The following CATSPERB variants were observed in gnomAD, a reference collection of about 807,000 sequenced individuals.
CATSPERB encodes the protein cation channel sperm-associated auxiliary subunit beta.
CATSPERB carries 93 observed loss-of-function variants against 128.3 expected under a neutral mutation model. The ratio of observed to expected loss-of-function variants is 0.72; its 90% CI spans 0.61 to 0.86. The LOEUF is 0.86. Ranked by LOEUF, CATSPERB falls within the 40% of genes least tolerant of loss-of-function variation. The probability of loss-of-function intolerance (pLI) is 0.00; values close to 1 mark genes in which losing one functional copy is unlikely to be tolerated. For synonymous variants in CATSPERB, 381 were observed against 448.8 expected (o/e 0.85, Z 1.91); for missense variants, 1,153 against 1,329.5 (o/e 0.87, Z 2.06).
At chr14:91,719,139 A>G (rs1004145080) in intron 5 of CATSPERB, among the ~76,000 whole-genome samples, 7 of 152,208 alleles carry the variant, frequency 4.6e-5, no homozygotes, top group African/African-American at 1.7e-4. Flanking sequence ...ACAATTTCCA[A>G]GTTCTAAGAA....
intron 7 of CATSPERB, among the ~76,000 whole-genome samples, chr14:91,696,767 G>C (rs1392231189): frequency 6.6e-6 from 1 of 152,168 alleles, no homozygotes; most frequent in Non-Finnish European, 1.5e-5. Context: ...GTAAGAGCAA[G>C]GTTGTTCAGA....
intron 20 of CATSPERB, among the ~76,000 whole-genome samples, chr14:91,616,805 G>A (rs1224861483): frequency 2.3e-5 from 3 of 128,032 alleles, no homozygotes; most frequent in East Asian, 2.6e-4. Flanking sequence ...GCAATGGCAC[G>A]ATCTCGGTTC....
At chr14:91,697,457 T>C (rs1472313782) in intron 7 of CATSPERB, among the ~76,000 whole-genome samples, 1 of 152,178 alleles carries the variant, frequency 6.6e-6, no homozygotes, top group Non-Finnish European at 1.5e-5. Flanking sequence ...GAGTGTACGA[T>C]GCAGATACTA....
chr14:91,636,471 T>A lies in CATSPERB; in HGVS notation c.1696A>T (p.Ser566Cys). The change falls in exon 17 of 27, where the codon AGC becomes TGC. Residue 566 changes from serine to cysteine, a missense_variant. Physicochemically the swap from Ser to Cys is moderately radical, Grantham distance 112. Coordinates refer to ENST00000256343, the MANE Select transcript of CATSPERB (RefSeq NM_024764.4). ...PENEPQETIYSKKFGNIHYGK... is the reference protein window; with the variant it reads ...PENEPQETIYCKKFGNIHYGK... ...TAGTGTATATTGCCGAACTTCTTGC[T>A]GTAGATCGTTTCCTGGGGTTCGTTC... 1 of 1,614,182 alleles carries A rather than the reference T, an allele frequency of 6.2e-7. No individual in the cohort carries two copies. The highest frequency in any genetic ancestry group is 8.5e-7 in the Non-Finnish European group (1 of 1,180,026).
At chr14:91,630,273 T>C (rs953203525) in intron 17 of CATSPERB, among the ~76,000 whole-genome samples, 10 of 152,204 alleles carry the variant, frequency 6.6e-5, no homozygotes, top group Admixed American at 6.5e-4. Flanking sequence ...GGCCTTCTTC[T>C]TAGCCCAGGC....
chr14:91,631,443 C>G (rs1894275248), intron 17 of CATSPERB, among the ~76,000 whole-genome samples: 1 of 152,132 alleles, frequency 6.6e-6, no homozygotes, highest in Non-Finnish European at 1.5e-5. Flanking sequence ...GCGGGTGGAT[C>G]ACCTGAGGTC....
intron 15 of CATSPERB, among the ~76,000 whole-genome samples, chr14:91,651,372 A>G (rs1894701456): frequency 6.6e-6 from 1 of 152,158 alleles, no homozygotes. Flanking sequence ...CTCTAAGCAA[A>G]GAGACTGTAA....
intron 22 of CATSPERB, among the ~76,000 whole-genome samples, chr14:91,599,840 T>C (rs1195687564): frequency 1.3e-5 from 2 of 152,194 alleles, no homozygotes; most frequent in African/African-American, 4.8e-5. Context: ...CTGATTAGCC[T>C]TTCCAAAGGA....
intron 18 of CATSPERB, among the ~76,000 whole-genome samples, chr14:91,622,175 G>A (rs1894061169): frequency 6.6e-6 from 1 of 150,796 alleles, no homozygotes; most frequent in South Asian, 2.1e-4. Flanking sequence ...ATTTTTGGCA[G>A]TAAAAAACCA....
At chr14:91,604,290 C>G in intron 22 of CATSPERB, 2 of 697,946 alleles carry the variant, frequency 2.9e-6, no homozygotes, top group South Asian at 3.2e-5. Flanking sequence ...TAATGGAAAC[C>G]AGAACATGTG....
chr14:91,617,282 C>T (rs1378874622), intron 20 of CATSPERB, among the ~76,000 whole-genome samples: 1 of 152,122 alleles, frequency 6.6e-6, no homozygotes, highest in East Asian at 1.9e-4. Flanking sequence ...TAATTTCATA[C>T]AGCTCAACTT....
At chr14:91,636,141 T>C (rs1052365207) in intron 17 of CATSPERB, 2 of 274,514 alleles carry the variant, frequency 7.3e-6, no homozygotes, top group African/African-American at 2.2e-5. Context: ...GGTGGGTGAA[T>C]CCCTTGAGCT....
chr14:91,581,166 A>C, intron 26 of CATSPERB, 59 bp from the exon 27 acceptor site: 2 of 1,342,042 alleles, frequency 1.5e-6, no homozygotes, highest in Non-Finnish European at 2.1e-6. Flanking sequence ...AAAACACTGA[A>C]AATTTAATGT....
intron 22 of CATSPERB, among the ~76,000 whole-genome samples, chr14:91,594,437 C>T (rs936423802): frequency 5.9e-5 from 9 of 151,604 alleles, no homozygotes; most frequent in Admixed American, 3.9e-4. Context: ...TGTGACAAAC[C>T]TGCACGTTGT....
At chr14:91,586,571 A>AGAGAAAGAGAGAGAGAGAGAG (rs374162982) in intron 26 of CATSPERB, among the ~76,000 whole-genome samples, 2 of 114,190 alleles carry the variant, frequency 1.8e-5, no homozygotes, top group Non-Finnish European at 3.4e-5. Context: ...GAGAGAGAGA[A>AGAGAAAGAGAGAGAGAGAGAG]AGAGAGAGAG....
At chr14:91,699,455 C>T (rs537918902) in intron 7 of CATSPERB, among the ~76,000 whole-genome samples, 1 of 151,870 alleles carries the variant, frequency 6.6e-6, no homozygotes, top group East Asian at 1.9e-4. Context: ...CATATGAAAC[C>T]AAAAAAGAGC....
intron 18 of CATSPERB, among the ~76,000 whole-genome samples, chr14:91,623,309 C>T (rs905290912): frequency 1.3e-5 from 2 of 152,134 alleles, no homozygotes; most frequent in African/African-American, 2.4e-5. Flanking sequence ...GAAACACCTT[C>T]CTCACCTGGT....
At chr14:91,705,631 G>A (rs1031634197) in intron 6 of CATSPERB, among the ~76,000 whole-genome samples, 2 of 152,206 alleles carry the variant, frequency 1.3e-5, no homozygotes, top group African/African-American at 4.8e-5. Context: ...GTGGGGCTTT[G>A]AATATCTGTT....
intron 11 of CATSPERB, among the ~76,000 whole-genome samples, chr14:91,679,794 C>A (rs188869780): frequency 1.2e-3 from 179 of 152,312 alleles, no homozygotes; most frequent in East Asian, 8.5e-3. Flanking sequence ...TTAATCAATG[C>A]AAGTCTGTAA....
Sources: allele counts gnomAD v4.1 joint callset (sites outside exome capture counted in the v4.1 genomes callset), GRCh38; gene constraint gnomAD v4.1.1; transcripts MANE v1.5; gene names NCBI Gene and HGNC (gene_info 2026-07-23, HGNC 2026-07-21).